Variants in ZBTB20 observed in about 807,000 individuals in gnomAD.
ZBTB20 encodes the protein zinc finger and BTB domain-containing protein 20.
In ZBTB20, 9 loss-of-function variants were observed where a neutral mutation model predicts 56.9. The ratio of observed to expected loss-of-function variants is 0.16; its 90% CI spans 0.10 to 0.28. ZBTB20 has a LOEUF of 0.28. ZBTB20 is among the 10% of genes least tolerant of loss of function. The probability of loss-of-function intolerance (pLI) is 1.00; values close to 1 mark genes in which losing one functional copy is unlikely to be tolerated. For synonymous variants in ZBTB20, 417 were observed against 420.7 expected (o/e 0.99, Z 0.11); for missense variants, 655 against 1,003.0 (o/e 0.65, Z 4.69).
intron 6 of ZBTB20, among the ~76,000 whole-genome samples, chr3:114,693,109 T>C (rs2062796879): frequency 6.6e-6 from 1 of 152,172 alleles, no homozygotes; most frequent in Non-Finnish European, 1.5e-5. Flanking sequence ...AAACATACAA[T>C]GTTCCACACA....
intron 3 of ZBTB20, among the ~76,000 whole-genome samples, chr3:114,955,761 G>C (rs1004640244): frequency 6.6e-6 from 1 of 152,122 alleles, no homozygotes; most frequent in South Asian, 2.1e-4. Flanking sequence ...GTTCTTCTGG[G>C]TAAGGTTAAA....
chr3:114,434,254 C>T (rs781125057), intron 7 of ZBTB20, among the ~76,000 whole-genome samples: 18 of 151,866 alleles, frequency 1.2e-4, no homozygotes, highest in Non-Finnish European at 1.6e-4. Context: ...AAAATGCTCT[C>T]GGTAGGGGTA....
intron 4 of ZBTB20, among the ~76,000 whole-genome samples, chr3:114,833,471 T>C (rs1340311610): frequency 1.3e-5 from 2 of 152,134 alleles, no homozygotes; most frequent in Admixed American, 6.6e-5. Context: ...TTTTTATGGC[T>C]CTCTAAGCTT....
chr3:115,048,764 T>C (rs1160573885), intron 2 of ZBTB20, among the ~76,000 whole-genome samples: 3 of 152,184 alleles, frequency 2.0e-5, no homozygotes, highest in Admixed American at 6.5e-5. Flanking sequence ...GATGTGACTA[T>C]TTTTAAATTG....
chr3:114,828,438 T>C (rs775874106), intron 4 of ZBTB20, among the ~76,000 whole-genome samples: 8 of 151,868 alleles, frequency 5.3e-5, no homozygotes, highest in Non-Finnish European at 1.2e-4. Context: ...TCGCTTTTTA[T>C]ATACTTTCCA....
At chr3:115,024,144 T>C (rs772453166) in intron 2 of ZBTB20, among the ~76,000 whole-genome samples, 14 of 151,054 alleles carry the variant, frequency 9.3e-5, no homozygotes, top group Admixed American at 2.0e-4. Flanking sequence ...AGGCCAAAAA[T>C]AGGACTGACT....
At chr3:114,931,318 C>T (rs114748309) in intron 3 of ZBTB20, 2,243 of 203,410 alleles carry the variant, frequency 0.011, 66 homozygotes, top group African/African-American at 0.05. Context: ...TCAGCAGCGA[C>T]CTCAACATCG....
intron 6 of ZBTB20, among the ~76,000 whole-genome samples, chr3:114,653,041 C>T (rs1283039813): frequency 6.6e-6 from 1 of 151,788 alleles, no homozygotes; most frequent in East Asian, 1.9e-4. Context: ...TTGTATATCC[C>T]CTAAGAGTTT....
chr3:115,055,138 T>C (rs2081712122), intron 2 of ZBTB20, among the ~76,000 whole-genome samples: 1 of 148,354 alleles, frequency 6.7e-6, no homozygotes, highest in Non-Finnish European at 1.5e-5. Context: ...AATTTTAACT[T>C]ACAAACTTTT....
chr3:114,577,671 C>T (rs903619691), intron 6 of ZBTB20, among the ~76,000 whole-genome samples: 2 of 152,090 alleles, frequency 1.3e-5, no homozygotes, highest in Non-Finnish European at 2.9e-5. Flanking sequence ...TGGACCTGAA[C>T]CTGGCTTACT....
At chr3:114,508,847 T>C (rs2044975222) in intron 6 of ZBTB20, among the ~76,000 whole-genome samples, 1 of 152,170 alleles carries the variant, frequency 6.6e-6, no homozygotes, top group Non-Finnish European at 1.5e-5. Flanking sequence ...TCTTCACTAA[T>C]GACTTCTTGA....
intron 4 of ZBTB20, among the ~76,000 whole-genome samples, chr3:114,865,316 C>T (rs1335906086): frequency 1.3e-5 from 2 of 152,126 alleles, no homozygotes; most frequent in East Asian, 1.9e-4. Context: ...TTCTCCAGGG[C>T]TCTCGCCTTT....
intron 2 of ZBTB20, among the ~76,000 whole-genome samples, chr3:115,035,544 AACAC>A (rs111286494): frequency 0.013 from 1,966 of 147,934 alleles, 30 homozygotes; most frequent in African/African-American, 0.045. Context: ...GCTACTATCA[AACAC>A]ACACACACAC....
chr3:114,427,963 G>A (rs926408689), intron 7 of ZBTB20, among the ~76,000 whole-genome samples: 1 of 152,132 alleles, frequency 6.6e-6, no homozygotes, highest in Non-Finnish European at 1.5e-5. Flanking sequence ...AAAGGAAGAA[G>A]TGCCCACAGC....
chr3:115,047,074 A>C (rs1172490896), intron 2 of ZBTB20, among the ~76,000 whole-genome samples: 1 of 152,188 alleles, frequency 6.6e-6, no homozygotes, highest in Non-Finnish European at 1.5e-5. Context: ...AATTTTATCA[A>C]TACTTTCTTC....
At chr3:114,796,336 T>G (rs921686536) in intron 5 of ZBTB20, among the ~76,000 whole-genome samples, 3 of 151,986 alleles carry the variant, frequency 2.0e-5, no homozygotes, top group African/African-American at 7.2e-5. Context: ...GAACTCGGCC[T>G]GAGTTTATAG....
chr3:114,446,933 G>A (rs917174715), intron 7 of ZBTB20, among the ~76,000 whole-genome samples: 1 of 152,162 alleles, frequency 6.6e-6, no homozygotes, highest in Non-Finnish European at 1.5e-5. Context: ...TCTCCAATCT[G>A]TGAGAAGACA....
Position 114,893,635 on chromosome 3 carries a change from C to T in ZBTB20, c.-417+6669G>A, listed in dbSNP as rs150916829. ...ATGTTCCCAATTTTGTGACTCTTCA[C>T]TCCATCCCCTTTTGATGTTTATCAC... On this transcript the variant is annotated intron_variant, in intron 4 of 11. Coordinates refer to ENST00000675478, the MANE Select transcript of ZBTB20 (RefSeq NM_001348800.3). 8.4e-3 allele frequency among the ~76,000 whole-genome samples: 1,273 copies of T among 152,086 alleles called. 21 individuals are homozygous for T. The highest frequency in any genetic ancestry group is 8.3e-3 in the Non-Finnish European group (566 of 68,016).
chr3:114,850,246 A>G (rs985474901), intron 4 of ZBTB20, among the ~76,000 whole-genome samples: 3 of 152,150 alleles, frequency 2.0e-5, no homozygotes, highest in Admixed American at 2.0e-4. Flanking sequence ...AGCAACACTC[A>G]TAACTACTAC....
Sources: allele counts gnomAD v4.1 joint callset (sites outside exome capture counted in the v4.1 genomes callset), GRCh38; gene constraint gnomAD v4.1.1; transcripts MANE v1.5; gene names NCBI Gene and HGNC (gene_info 2026-07-23, HGNC 2026-07-21).